BICC1: variants seen among roughly 807,000 people sequenced by gnomAD.
BICC1 encodes protein bicaudal C homolog 1.
A neutral mutation model predicts 111.0 loss-of-function variants in BICC1; 43 were observed. The observed-to-expected ratio is 0.39, with a 90% confidence interval of 0.30 to 0.50. The LOEUF (loss-of-function observed/expected upper bound fraction) is 0.50. Among genes scored for constraint, BICC1 ranks in the 20% least tolerant of loss-of-function variants. The pLI, the probability that BICC1 is intolerant of heterozygous loss-of-function variation, is 0.88. For synonymous variants in BICC1, 467 were observed against 434.4 expected, an observed-to-expected ratio of 1.07 and a Z score of -0.93; for missense variants, 1,091 against 1,203.2, an observed-to-expected ratio of 0.91 and a Z score of 1.38.
intron 3 of BICC1, among the ~76,000 whole-genome samples, chr10:58,740,996 C>T (rs1210698096): frequency 6.6e-6 from 1 of 152,112 alleles, no homozygotes; most frequent in African/African-American, 2.4e-5. Context: ...TCCCTGGAAC[C>T]GTGAAAGAGT....
At chr10:58,828,734 C>T (rs1844469908) in intron 20 of BICC1, 27 bp from the exon 21 acceptor site, 1 of 1,609,910 alleles carries the variant, frequency 6.2e-7, no homozygotes, top group Non-Finnish European at 8.5e-7. Flanking sequence ...TCTTGAGCTC[C>T]TAACAATTCT....
At chr10:58,559,904 G>C (rs1262340111) in intron 1 of BICC1, among the ~76,000 whole-genome samples, 1 of 151,710 alleles carries the variant, frequency 6.6e-6, no homozygotes, top group Admixed American at 6.6e-5. Context: ...TGTATTCCTG[G>C]GATAAAGCCC....
At chr10:58,633,868 C>G (rs576733413) in intron 2 of BICC1, among the ~76,000 whole-genome samples, 4 of 152,116 alleles carry the variant, frequency 2.6e-5, no homozygotes, top group South Asian at 2.1e-4. Context: ...ATTTAACCAC[C>G]AGTATATTGA....
Position 58,781,131 on chromosome 10 carries a change from C to T in BICC1, c.308-3870C>T, listed in dbSNP as rs148259862. On this transcript the variant is annotated intron_variant, in intron 3 of 20. Transcript: ENST00000373886. ...ATGACACCAGAGGGATGTGAGCAGA[C>T]GGGTAGGACAGGAATCTAAAAACCA... Among the ~76,000 whole-genome samples, 135 of 152,200 alleles carry T rather than the reference C, an allele frequency of 8.9e-4. 1 individual carries two copies. In the East Asian group the frequency reaches 0.017, roughly 20 times the overall value.
chr10:58,774,262 T>G (rs1330765457), intron 3 of BICC1, among the ~76,000 whole-genome samples: 1 of 152,230 alleles, frequency 6.6e-6, no homozygotes, highest in African/African-American at 2.4e-5. Flanking sequence ...GCAAAAAGCC[T>G]GTCACAGAGT....
chr10:58,690,576 C>G (rs1839880702), intron 2 of BICC1, among the ~76,000 whole-genome samples: 1 of 152,168 alleles, frequency 6.6e-6, no homozygotes, highest in South Asian at 2.1e-4. Flanking sequence ...GAATACATAC[C>G]TCCTTTCAAT....
intron 9 of BICC1, among the ~76,000 whole-genome samples, chr10:58,795,196 G>A (rs2132840929): frequency 6.6e-6 from 1 of 152,208 alleles, no homozygotes; most frequent in African/African-American, 2.4e-5. Flanking sequence ...ATAGAATGGT[G>A]TATATATAAT....
upstream of BICC1, among the ~76,000 whole-genome samples, chr10:58,512,487 G>T (rs1842111953): frequency 6.6e-6 from 1 of 152,124 alleles, no homozygotes; most frequent in African/African-American, 2.4e-5. Context: ...CTTGAACTTG[G>T]CGTGTTTGTG....
chr10:58,678,709 C>G (rs1178974370), intron 2 of BICC1, among the ~76,000 whole-genome samples: 1 of 152,184 alleles, frequency 6.6e-6, no homozygotes, highest in Non-Finnish European at 1.5e-5. Context: ...ACAGAACTCT[C>G]CACTGCAAAT....
intron 3 of BICC1, among the ~76,000 whole-genome samples, chr10:58,707,925 G>A (rs891348079): frequency 1.3e-4 from 20 of 152,186 alleles, no homozygotes; most frequent in African/African-American, 2.9e-4. Context: ...TCGAGCTCCC[G>A]ACCTCAGGTA....
intron 1 of BICC1, among the ~76,000 whole-genome samples, chr10:58,591,068 C>T (rs890754479): frequency 6.6e-5 from 10 of 152,192 alleles, no homozygotes; most frequent in African/African-American, 2.2e-4. Flanking sequence ...TCATTAGTTA[C>T]ACCTGGCTCA....
intron 18 of BICC1, among the ~76,000 whole-genome samples, chr10:58,816,514 A>G (rs954261675): frequency 5.9e-5 from 9 of 152,172 alleles, no homozygotes; most frequent in Admixed American, 1.3e-4. Flanking sequence ...AAAGTGATCA[A>G]TGACACCCAA....
intron 3 of BICC1, among the ~76,000 whole-genome samples, chr10:58,748,652 G>T (rs948365321): frequency 2.6e-5 from 4 of 152,110 alleles, no homozygotes; most frequent in Non-Finnish European, 4.4e-5. Flanking sequence ...GTCTCTTCGG[G>T]CTGAGTGGGC....
intron 8 of BICC1, among the ~76,000 whole-genome samples, chr10:58,792,294 A>G (rs1470569301): frequency 6.6e-6 from 1 of 152,132 alleles, no homozygotes; most frequent in African/African-American, 2.4e-5. Flanking sequence ...TAGTTAAAAG[A>G]AGGGACAGTA....
At chr10:58,739,857 A>C (rs920064400) in intron 3 of BICC1, among the ~76,000 whole-genome samples, 1 of 152,216 alleles carries the variant, frequency 6.6e-6, no homozygotes, top group Non-Finnish European at 1.5e-5. Flanking sequence ...TGAATGGCTT[A>C]TATCTCCACT....
chr10:58,752,075 T>C (rs1842005418), intron 3 of BICC1, among the ~76,000 whole-genome samples: 1 of 152,210 alleles, frequency 6.6e-6, no homozygotes, highest in African/African-American at 2.4e-5. Context: ...AATTGGATGT[T>C]GTATGCATTT....
In BICC1 at chr10:58,807,207, A is replaced by G. The variant is rs1021151592; in HGVS notation, c.2376+49A>G. The G allele has an allele frequency of 6.4e-6, 10 of 1,559,590 alleles. No homozygotes were observed. In the African/African-American group the frequency reaches 1.1e-4, roughly 17 times the overall value. The stretch of plus-strand genomic sequence containing the variant: ...ATTCTTCCTGTCTGTTCTTTCAGCA[A>G]AAGAGGACAGTCCTTCCCCCACCCT... On this transcript the variant is annotated intron_variant, in intron 17 of 20. Transcript: ENST00000373886.
chr10:58,534,311 A>G (rs906013957), intron 1 of BICC1, among the ~76,000 whole-genome samples: 24 of 151,600 alleles, frequency 1.6e-4, no homozygotes, highest in African/African-American at 5.8e-4. Context: ...AAACAGAAAA[A>G]CTGAAAGGAA....
At position 58,784,990 on chromosome 10, in the gene BICC1, C is replaced by G. The variant is rs1047999068; in HGVS notation, c.308-11C>G. ...GGAGTTTCACACAAGCCTTTTATTT[C>G]TTTCTTATAGATCCCCATATTAAGG... is the stretch of plus-strand genomic sequence containing the variant. On this transcript the variant is annotated splice_polypyrimidine_tract_variant and intron_variant, in intron 3 of 20. Transcript: ENST00000373886. 4.0e-6 allele frequency: 6 copies of G among 1,497,784 alleles called. No individual in the cohort carries two copies. In the African/African-American group the frequency reaches 8.4e-5, roughly 21 times the overall value. The allele number at this position is 1,497,784 out of a possible 1,614,324, so 92.8% of individuals were successfully genotyped here. A position where few individuals can be genotyped will look rare whatever the true frequency, so the allele number is the denominator to read the frequency against.
Sources: gnomAD v4.1 joint callset for allele counts (sites outside exome capture counted in the v4.1 genomes callset) on GRCh38, gnomAD v4.1.1 for gene constraint, MANE v1.5 for transcripts, NCBI Gene and HGNC (gene_info 2026-07-23, HGNC 2026-07-21) for gene names.